TUBB3: variants seen among roughly 807,000 people sequenced by gnomAD.
TUBB3 encodes the protein tubulin beta 3 class III, also known as tubulin beta-3 chain.
Under a neutral mutation model 37.8 loss-of-function variants are expected in TUBB3, and 17 were observed. The ratio of observed to expected loss-of-function variants is 0.45; its 90% CI spans 0.31 to 0.67. The LOEUF (loss-of-function observed/expected upper bound fraction) is 0.67. Among genes scored for constraint, TUBB3 ranks in the 30% least tolerant of loss-of-function variants. TUBB3 has a pLI of 0.07. For synonymous variants in TUBB3, 332 were observed against 278.9 expected (o/e 1.19, Z -1.90); for missense variants, 262 against 657.9 (o/e 0.40, Z 6.58).
chr16:89,932,529 T>C (rs2030313353), intron 1 of TUBB3, 42 bp from the exon 2 acceptor site: 5 of 1,542,700 alleles, frequency 3.2e-6, no homozygotes, highest in Non-Finnish European at 4.5e-6. Flanking sequence ...TGGCTGGGGC[T>C]ATGGGCCGGT....
At chr16:89,932,752 C>A in intron 2 of TUBB3, 73 bp downstream of exon 2, 1 of 1,239,844 alleles carries the variant, frequency 8.1e-7, no homozygotes, top group Non-Finnish European at 1.2e-6. Flanking sequence ...GACCAGGTCT[C>A]AGCACCTGGA....
chr16:89,923,326 G>C, upstream of TUBB3: 1 of 1,272,734 alleles, frequency 7.9e-7, no homozygotes, highest in Non-Finnish European at 1.0e-6. Flanking sequence ...AGAGCGCGCG[G>C]CCGCGGTCCC....
rs756881284 is a variant in TUBB3 at position 89,923,358 on chromosome 16, G to A, written c.-44G>A. 4.9e-6 allele frequency: 7 copies of A among 1,432,550 alleles called. No homozygotes were observed. The highest frequency in any genetic ancestry group is 5.5e-6 in the Non-Finnish European group (6 of 1,086,474). 88.7% of individuals were successfully genotyped at this position (1,432,550 alleles called of 1,614,324 possible). ...TCCCCGACCCTCAGCAGCCAGCCCG[G>A]CCCGCCCGCGCCCGTCCGCAGCCGC... On this transcript the variant is annotated 5_prime_UTR_variant, in exon 1 of 4. Coordinates refer to ENST00000315491, the MANE Select transcript of TUBB3 (RefSeq NM_006086.4).
rs761628242 is a variant in TUBB3, at chr16:89,934,717, C to T, written c.278-12C>T. ...CTGGCCCCTGTCTCTTACCCCTCTTCTCCCTGTACAGGTCAGAGTGGGGCC... is the reference window on the plus strand; with the variant it reads ...CTGGCCCCTGTCTCTTACCCCTCTTTTCCCTGTACAGGTCAGAGTGGGGCC... On this transcript the variant is annotated splice_polypyrimidine_tract_variant and intron_variant, in intron 3 of 3. Coordinates refer to ENST00000315491, the MANE Select transcript of TUBB3 (RefSeq NM_006086.4). 1 of 1,613,424 alleles carries T rather than the reference C, an allele frequency of 6.2e-7. No homozygotes were observed. Among genetic ancestry groups the T allele is most frequent in the South Asian group, 1.1e-5 (1 of 91,064 alleles).
intron 3 of TUBB3, chr16:89,934,355 C>T (rs899780534): frequency 3.4e-5 from 17 of 493,716 alleles, no homozygotes; most frequent in East Asian, 5.7e-5. Context: ...GATGCCAACT[C>T]GCATCCAGCC....
chr16:89,930,578 C>T (rs1051988890), intron 1 of TUBB3, among the ~76,000 whole-genome samples: 1 of 151,838 alleles, frequency 6.6e-6, no homozygotes, highest in African/African-American at 2.4e-5. Context: ...GCCACCACCC[C>T]TGGCTAATTT....
At chr16:89,931,018 G>A (rs986914825) in intron 1 of TUBB3, among the ~76,000 whole-genome samples, 4 of 151,826 alleles carry the variant, frequency 2.6e-5, no homozygotes, top group Non-Finnish European at 5.9e-5. Flanking sequence ...TAGTAGAGAC[G>A]GGGTTTCACC....
chr16:89,923,527 C>T (rs925967649), intron 1 of TUBB3, 69 bp downstream of exon 1: 129 of 1,302,624 alleles, frequency 9.9e-5, no homozygotes, highest in African/African-American at 8.7e-4. Context: ...GCCCCGCGGG[C>T]CGCACCTCCA....
intron 2 of TUBB3, 124 bp downstream of exon 2, chr16:89,932,803 T>C (rs1337228760): frequency 1.0e-5 from 8 of 782,622 alleles, no homozygotes; most frequent in Admixed American, 2.0e-5. Context: ...ATGGGTTAGG[T>C]TGGCTGAGAT....
In TUBB3 at chr16:89,923,364, C is replaced by T. The variant is rs544186309; in HGVS notation, c.-38C>T. The stretch of plus-strand genomic sequence containing the variant: ...ACCCTCAGCAGCCAGCCCGGCCCGC[C>T]CGCGCCCGTCCGCAGCCGCCCGCCA... On this transcript the variant is annotated 5_prime_UTR_variant, in exon 1 of 4. Transcript: ENST00000315491. 1.0e-5 allele frequency: 15 copies of T among 1,443,520 alleles called. No individual in the cohort carries two copies. The highest frequency in any genetic ancestry group is 3.0e-5 in the African/African-American group (2 of 67,156). The allele number at this position is 1,443,520 out of a possible 1,614,324, so 89.4% of individuals were successfully genotyped here.
chr16:89,922,751 A>T (rs1490689218), upstream of TUBB3: 5 of 151,248 alleles, frequency 3.3e-5, no homozygotes, highest in African/African-American at 1.2e-4. Flanking sequence ...CCGGCGACCC[A>T]CGGAGCTCGC....
intron 1 of TUBB3, among the ~76,000 whole-genome samples, chr16:89,925,869 G>C (rs986060658): frequency 6.6e-6 from 1 of 152,246 alleles, no homozygotes; most frequent in Admixed American, 6.5e-5. Flanking sequence ...GAGGCCGGGA[G>C]CAAAGCCGGG....
intron 3 of TUBB3, chr16:89,934,505 A>G: frequency 1.5e-6 from 1 of 645,564 alleles, no homozygotes; most frequent in Non-Finnish European, 2.8e-6. Flanking sequence ...TGTGACCCCA[A>G]GTTCTCAAGA....
chr16:89,929,412 T>C (rs1231917951), intron 1 of TUBB3, among the ~76,000 whole-genome samples: 2 of 152,166 alleles, frequency 1.3e-5, no homozygotes, highest in Non-Finnish European at 2.9e-5. Flanking sequence ...GCACCTCTGA[T>C]AACAGTCTCA....
intron 1 of TUBB3, among the ~76,000 whole-genome samples, chr16:89,925,356 CTG>C (rs1468988192): frequency 6.6e-6 from 1 of 151,060 alleles, no homozygotes; most frequent in African/African-American, 2.4e-5. Context: ...CTTTGGGAGA[CTG>C]AAACTGGAGG....
Position 89,935,100 on chromosome 16 carries a change from C to T in TUBB3, c.649C>T (p.Leu217=). 2 of 1,614,188 alleles carry T rather than the reference C, an allele frequency of 1.2e-6. No individual in the cohort carries two copies. The highest frequency in any genetic ancestry group is 1.1e-5 in the South Asian group (1 of 91,082). ...LYDICFRTLK[L]ATPTYGDLNH... ...CGACATCTGCTTCCGCACCCTCAAGCTGGCCACGCCCACCTACGGGGACCT... is the reference window on the plus strand; with the variant it reads ...CGACATCTGCTTCCGCACCCTCAAGTTGGCCACGCCCACCTACGGGGACCT... The change falls in exon 4 of 4, where the codon CTG becomes TTG. Residue 217 remains leucine, a synonymous_variant. Coordinates refer to ENST00000315491, the MANE Select transcript of TUBB3 (RefSeq NM_006086.4).
At position 89,932,544 on chromosome 16, in the gene TUBB3, A is replaced by AC. The variant is rs112388869; in HGVS notation, c.58-20dup. 0.022 allele frequency: 34,477 copies of AC among 1,596,432 alleles called. 655 individuals carry two copies. Among genetic ancestry groups the AC allele is most frequent in the South Asian group, 0.08 (7,243 of 90,660 alleles). ...TGGCTGGGGCTATGGGCCGGTGCCG[A>AC]CCCCCCCTCTCCCACTTTGTTTGCA... On this transcript the variant is annotated intron_variant, in intron 1 of 3. Coordinates refer to ENST00000315491, the MANE Select transcript of TUBB3 (RefSeq NM_006086.4).
intron 1 of TUBB3, among the ~76,000 whole-genome samples, chr16:89,924,212 A>G (rs1021043224): frequency 2.0e-5 from 3 of 152,136 alleles, no homozygotes; most frequent in Non-Finnish European, 4.4e-5. Context: ...CACCTCGCAG[A>G]TGTTGGGGCC....
upstream of TUBB3, chr16:89,923,310 G>A (rs1372616757): frequency 1.2e-5 from 14 of 1,122,274 alleles, no homozygotes; most frequent in Non-Finnish European, 1.6e-5. Flanking sequence ...CGGGGCCGCG[G>A]CTATAAGAGC....
Sources: allele counts gnomAD v4.1 joint callset (sites outside exome capture counted in the v4.1 genomes callset), GRCh38; gene constraint gnomAD v4.1.1; transcripts MANE v1.5; gene names NCBI Gene and HGNC (gene_info 2026-07-23, HGNC 2026-07-21).